Variants in TAF10 observed in about 807,000 individuals in gnomAD.
The protein encoded by TAF10 is TATA-box binding protein associated factor 10.
In TAF10, 2 loss-of-function variants were observed where a neutral mutation model predicts 18.1. The observed-to-expected ratio is 0.11, with a 90% CI of 0.05 to 0.35. The LOEUF is 0.35. TAF10 is among the 10% of genes least tolerant of loss of function. The pLI, the probability that TAF10 is intolerant of heterozygous loss-of-function variation, is 1.00. For synonymous variants in TAF10, 158 were observed against 134.6 expected (o/e 1.17, Z -1.20); for missense variants, 293 against 306.9 (o/e 0.95, Z 0.34).
rs971181140 is a variant in TAF10 at position 6,609,177 on chromosome 11, C to G, written c.*1745G>C. 1 of 1,607,112 alleles carries G rather than the reference C, an allele frequency of 6.2e-7. No homozygotes were observed. Among genetic ancestry groups the G allele is most frequent in the African/African-American group, 1.3e-5 (1 of 74,744 alleles). ...GAGAGGTGACCCCTGCCCTTCTTGC[C>G]CTTCCCTCACTAAACCCCCATAAAT... is the stretch of plus-strand genomic sequence containing the variant. On this transcript the variant is annotated 3_prime_UTR_variant, in exon 5 of 5. Transcript: ENST00000299424.
chr11:6,611,205 G>A lies in TAF10; in HGVS notation c.551C>T (p.Ser184Phe). 2 of 1,614,044 alleles carry A rather than the reference G, an allele frequency of 1.2e-6. No individual in the cohort carries two copies. The highest frequency in any genetic ancestry group is 1.7e-6 in the Non-Finnish European group (2 of 1,179,940). ...CCCTCACACCTTGCTCTTGCTCCGG[G>A]AGCTGCCGGAGGCCGTGCCCTTCAT... ...CKMKGTASGS[S>F]RSKSKDRKYT... is the part of the protein sequence containing the mutation. Residue 184 changes from serine to phenylalanine, a missense_variant, in exon 4 of 5, where the codon TCC becomes TTC. By Grantham distance (155) the Ser-to-Phe change is radical. Coordinates refer to ENST00000299424, the MANE Select transcript of TAF10 (RefSeq NM_006284.4).
Position 6,609,245 on chromosome 11 carries a change from G to A in TAF10, c.*1677C>T. ...TTTTAAGTTTTTCCTCCAGTTAGTG[G>A]GCAAGGAAGTGGCAGCAACATTTCA... On this transcript the variant is annotated 3_prime_UTR_variant, in exon 5 of 5. Transcript: ENST00000299424. The A allele has an allele frequency of 6.2e-7, 1 of 1,603,312 alleles. No individual in the cohort carries two copies. Among genetic ancestry groups the A allele is most frequent in the East Asian group, 2.2e-5 (1 of 44,810 alleles).
chr11:6,610,892 G>A lies in TAF10; in HGVS notation c.*30C>T, dbSNP rs779683882. 30 of 1,610,376 alleles carry A rather than the reference G, an allele frequency of 1.9e-5. No homozygotes were observed. Among genetic ancestry groups the A allele is most frequent in the Middle Eastern group, 1.6e-4 (1 of 6,064 alleles). ...AAAACAGGCTGGTGTGGGGACATGG[G>A]GACAGATAAGTACATTTAGGTTGGG... On this transcript the variant is annotated 3_prime_UTR_variant, in exon 5 of 5. Coordinates refer to ENST00000299424, the MANE Select transcript of TAF10 (RefSeq NM_006284.4).
rs1355910965 is a variant in TAF10 at position 6,609,186 on chromosome 11, A to C, written c.*1736T>G. The C allele has an allele frequency of 4.4e-6, 7 of 1,602,998 alleles. No homozygotes were observed. Among genetic ancestry groups the C allele is most frequent in the Non-Finnish European group, 6.0e-6 (7 of 1,169,994 alleles). ...CCCCTGCCCTTCTTGCCCTTCCCTCACTAAACCCCCATAAATTACTTGCTT... is the reference window on the plus strand; with the variant it reads ...CCCCTGCCCTTCTTGCCCTTCCCTCCCTAAACCCCCATAAATTACTTGCTT... On this transcript the variant is annotated 3_prime_UTR_variant, in exon 5 of 5. Transcript: ENST00000299424.
Position 6,609,368 on chromosome 11 carries a change from A to C in TAF10, c.*1554T>G. On this transcript the variant is annotated 3_prime_UTR_variant, in exon 5 of 5. Coordinates refer to ENST00000299424, the MANE Select transcript of TAF10 (RefSeq NM_006284.4). ...GCTGAAGGTTCGAGACTGGAGTACA[A>C]GGAAGAGCAGGGACTTCAATGAAGA... The C allele has an allele frequency of 6.2e-7, 1 of 1,614,118 alleles. No homozygotes were observed.
chr11:6,609,888 T>A lies in TAF10; in HGVS notation c.*1034A>T. On this transcript the variant is annotated 3_prime_UTR_variant, in exon 5 of 5. Transcript: ENST00000299424. ...CTCCTGGCCCAGGCCCCAAAAGCCC[T>A]TTGCCTATCTATGACTTACCTCCTT... 6.2e-7 allele frequency: 1 copy of A among 1,614,188 alleles called. No homozygotes were observed. Among genetic ancestry groups the A allele is most frequent in the South Asian group, 1.1e-5 (1 of 91,080 alleles).
In TAF10 at chr11:6,608,690, C is replaced by T. The variant is rs1434508206; in HGVS notation, c.*2232G>A. 5.6e-6 allele frequency: 9 copies of T among 1,613,096 alleles called. No individual in the cohort carries two copies. The highest frequency in any genetic ancestry group is 6.8e-6 in the Non-Finnish European group (8 of 1,179,066). The stretch of plus-strand genomic sequence containing the variant: ...CTCTCATCATAATGGCCTTTTCATT[C>T]CAGGACCTGGTGGCAAATGGGGCCC... On this transcript the variant is annotated 3_prime_UTR_variant, in exon 5 of 5. Coordinates refer to ENST00000299424, the MANE Select transcript of TAF10 (RefSeq NM_006284.4). This position sits in a 1 kb window ranked among gnomAD's most constrained non-coding sequence, Gnocchi z 4.9.
rs560143666 is a variant in TAF10 at position 6,611,129 on chromosome 11, C to G, written c.567+60G>C. The G allele has an allele frequency of 1.1e-5, 17 of 1,591,454 alleles. No individual in the cohort carries two copies. In the Admixed American group the frequency reaches 2.7e-4, roughly 25 times the overall value. On this transcript the variant is annotated intron_variant, in intron 4 of 4. Coordinates refer to ENST00000299424, the MANE Select transcript of TAF10 (RefSeq NM_006284.4). Reference sequence around the variant, plus strand: ...CGATTCAGTTTCCCCAAAGGGGTGGCAGGATAAGCCTCCACTGTTGTGGAA... The same window carrying G: ...CGATTCAGTTTCCCCAAAGGGGTGGGAGGATAAGCCTCCACTGTTGTGGAA...
Position 6,610,808 on chromosome 11 carries a change from C to A in TAF10, c.*114G>T. On this transcript the variant is annotated 3_prime_UTR_variant, in exon 5 of 5. Transcript: ENST00000299424. ...GGGCTCAGAGCTTTGTCACTTGCCA[C>A]ATGGTGTCTCCCAACATGGGAGGGA... The A allele has an allele frequency of 7.2e-7, 1 of 1,390,050 alleles. No individual in the cohort carries two copies. Among genetic ancestry groups the A allele is most frequent in the Non-Finnish European group, 1.0e-6 (1 of 987,662 alleles). 86.1% of individuals were successfully genotyped at this position (1,390,050 alleles called of 1,614,324 possible).
Position 6,611,791 on chromosome 11 carries a change from G to C in TAF10, c.260C>G (p.Pro87Arg). Residue 87 changes from proline to arginine, a missense_variant, in exon 2 of 5, where the codon CCC becomes CGC. Physicochemically the swap from Pro to Arg is moderately radical, Grantham distance 103 (BLOSUM62 -2). Transcript: ENST00000299424. ...AAPVSAGGAA[P>R]PEGAISNGVY... ...CCCGTTAGATATGGCCCCCTCCGGG[G>C]GCGCCGCGCCACCCGCCGACACCGG... 1.2e-6 allele frequency: 2 copies of C among 1,603,706 alleles called. No individual in the cohort carries two copies. Among genetic ancestry groups the C allele is most frequent in the Non-Finnish European group, 1.7e-6 (2 of 1,175,166 alleles).
Position 6,609,940 on chromosome 11 carries a change from A to G in TAF10, c.*982T>C. ...TATCTGTTTTCTCTTCCTCAGATTG[A>G]TGAGGACATGACTGCCCGAATTAGC... On this transcript the variant is annotated 3_prime_UTR_variant, in exon 5 of 5. Transcript: ENST00000299424. 6.2e-7 allele frequency: 1 copy of G among 1,614,102 alleles called. No homozygotes were observed. Among genetic ancestry groups the G allele is most frequent in the South Asian group, 1.1e-5 (1 of 91,088 alleles).
At position 6,608,105 on chromosome 11, in the gene TAF10, T is replaced by C. The variant is rs1299706614; in HGVS notation, c.*2817A>G. The C allele has an allele frequency of 5.6e-6, 9 of 1,614,072 alleles. No individual in the cohort carries two copies. Among genetic ancestry groups the C allele is most frequent in the Non-Finnish European group, 7.6e-6 (9 of 1,180,006 alleles). On this transcript the variant is annotated 3_prime_UTR_variant, in exon 5 of 5. Coordinates refer to ENST00000299424, the MANE Select transcript of TAF10 (RefSeq NM_006284.4). This position sits in a 1 kb window ranked among gnomAD's most constrained non-coding sequence, Gnocchi z 4.9. The stretch of plus-strand genomic sequence containing the variant: ...TGCCGAGAGGGCCGCTCTGCTGTGG[T>C]TGAGATGTTGATCATGCGGGGGGCA...
At position 6,611,694 on chromosome 11, in the gene TAF10, G is replaced by A. The variant is rs757603360; in HGVS notation, c.357C>T (p.Phe119=). ...GCGTGTAATCTTCCAGCTGCATCAA[G>A]AAGTCCACCAAAGGCGTGCTGGACA... ...PVVSSTPLVD[F]LMQLEDYTPT... The change falls in exon 2 of 5, where the codon TTC becomes TTT. Residue 119 remains phenylalanine, a synonymous_variant. Coordinates refer to ENST00000299424, the MANE Select transcript of TAF10 (RefSeq NM_006284.4). 1.9e-6 allele frequency: 3 copies of A among 1,605,024 alleles called. No homozygotes were observed. The highest frequency in any genetic ancestry group is 2.6e-6 in the Non-Finnish European group (3 of 1,175,020).
At position 6,610,811 on chromosome 11, in the gene TAF10, G is replaced by T; in HGVS notation, c.*111C>A. On this transcript the variant is annotated 3_prime_UTR_variant, in exon 5 of 5. Coordinates refer to ENST00000299424, the MANE Select transcript of TAF10 (RefSeq NM_006284.4). ...CTCAGAGCTTTGTCACTTGCCACAT[G>T]GTGTCTCCCAACATGGGAGGGATCA... The T allele has an allele frequency of 7.2e-7, 1 of 1,394,176 alleles. No homozygotes were observed. The highest frequency in any genetic ancestry group is 1.2e-5 in the South Asian group (1 of 83,156). The allele number at this position is 1,394,176 out of a possible 1,614,324, so 86.4% of individuals were successfully genotyped here. A position where few individuals can be genotyped will look rare whatever the true frequency, so the allele number is the denominator to read the frequency against.
rs1251399409 is a variant in TAF10 at position 6,610,364 on chromosome 11, T to G, written c.*558A>C. The G allele has an allele frequency of 6.2e-7, 1 of 1,613,242 alleles. No homozygotes were observed. Among genetic ancestry groups the G allele is most frequent in the African/African-American group, 1.3e-5 (1 of 75,036 alleles). ...GTAGTGGGCCTTGGCTCCTCACATA[T>G]TTGTTCGGATATACAGTAATCCTGT... On this transcript the variant is annotated 3_prime_UTR_variant, in exon 5 of 5. Coordinates refer to ENST00000299424, the MANE Select transcript of TAF10 (RefSeq NM_006284.4).
chr11:6,609,353 C>T lies in TAF10; in HGVS notation c.*1569G>A, dbSNP rs1179732298. On this transcript the variant is annotated 3_prime_UTR_variant, in exon 5 of 5. Transcript: ENST00000299424. ...CATTGTCGTGAAGGTGCTGAAGGTTCGAGACTGGAGTACAAGGAAGAGCAG... is the reference window on the plus strand; with the variant it reads ...CATTGTCGTGAAGGTGCTGAAGGTTTGAGACTGGAGTACAAGGAAGAGCAG... 1 of 1,613,948 alleles carries T rather than the reference C, an allele frequency of 6.2e-7. No individual in the cohort carries two copies. The highest frequency in any genetic ancestry group is 1.7e-5 in the Admixed American group (1 of 59,998).
chr11:6,606,846 CTGA>C lies in TAF10; in HGVS notation c.*4073_*4075del, dbSNP rs1854963144. ...CTGGCGCCACAGGCAGTACTGGAAG[CTGA>C]TAAGTCAGGGCACAAATTAAAGGTC... On this transcript the variant is annotated 3_prime_UTR_variant, in exon 5 of 5. Coordinates refer to ENST00000299424, the MANE Select transcript of TAF10 (RefSeq NM_006284.4). 1 of 152,194 alleles carries C rather than the reference CTGA, an allele frequency of 6.6e-6. No individual in the cohort carries two copies. Among genetic ancestry groups the C allele is most frequent in the East Asian group, 1.9e-4 (1 of 5,204 alleles). 9.4% of individuals were successfully genotyped at this position (152,194 alleles called of 1,614,324 possible). A position where few individuals can be genotyped will look rare whatever the true frequency, so the allele number is the denominator to read the frequency against.
At position 6,610,693 on chromosome 11, in the gene TAF10, G is replaced by A; in HGVS notation, c.*229C>T. The A allele has an allele frequency of 1.3e-6, 2 of 1,559,836 alleles. No homozygotes were observed. The highest frequency in any genetic ancestry group is 1.1e-5 in the South Asian group (1 of 89,090). On this transcript the variant is annotated 3_prime_UTR_variant, in exon 5 of 5. Coordinates refer to ENST00000299424, the MANE Select transcript of TAF10 (RefSeq NM_006284.4). ...ACCTCCCCAAAGCAGCAGGCCTCTG[G>A]TTGCCTCCCCCGCCTCCAGTCATGG...
rs182151442 is a variant in TAF10, at chr11:6,611,643, C to G, written c.387+21G>C. On this transcript the variant is annotated intron_variant, in intron 2 of 4. Coordinates refer to ENST00000299424, the MANE Select transcript of TAF10 (RefSeq NM_006284.4). ...AAGTTTTGACAGCAGGCTAGGTGGC[C>G]TTGTTCGGGCGGAAGCCCACCGTAG... The G allele has an allele frequency of 3.2e-5, 51 of 1,576,280 alleles. 1 individual carries two copies. In the South Asian group the frequency reaches 3.7e-4, roughly 12 times the overall value.
Sources: gnomAD v4.1 joint callset for allele counts on GRCh38, gnomAD v4.1.1 for gene constraint, Gnocchi (gnomAD v3.1) non-coding constraint, MANE v1.5 for transcripts, NCBI Gene and HGNC (gene_info 2026-07-23, HGNC 2026-07-21) for gene names.